The following ST8SIA2 variants were observed in gnomAD, a reference collection of about 807,000 sequenced individuals.
The protein encoded by ST8SIA2 is alpha-2,8-sialyltransferase 8B.
Under a neutral mutation model 37.6 loss-of-function variants are expected in ST8SIA2, and 22 were observed. The observed-to-expected ratio is 0.58, with a 90% CI of 0.42 to 0.83. ST8SIA2 has a LOEUF of 0.83. Among genes scored for constraint, ST8SIA2 ranks in the 40% least tolerant of loss-of-function variants. The probability of loss-of-function intolerance (pLI) is 0.00; values close to 1 mark genes in which losing one functional copy is unlikely to be tolerated. For synonymous variants in ST8SIA2, 205 were observed against 201.2 expected, an observed-to-expected ratio of 1.02 and a Z score of -0.16; for missense variants, 382 against 484.7, an observed-to-expected ratio of 0.79 and a Z score of 1.99.
intron 3 of ST8SIA2, among the ~76,000 whole-genome samples, chr15:92,437,690 T>TC: frequency 6.6e-6 from 1 of 151,196 alleles, no homozygotes; most frequent in Non-Finnish European, 1.5e-5. Flanking sequence ...ACAGTATCCA[T>TC]CCCCCCAGAA....
chr15:92,394,263 G>C, intron 1 of ST8SIA2, 101 bp downstream of exon 1: 1 of 1,047,020 alleles, frequency 9.6e-7, no homozygotes, highest in Admixed American at 2.0e-5. Context: ...GCCGCGCCCC[G>C]CTGTAGCTCC....
intron 5 of ST8SIA2, among the ~76,000 whole-genome samples, chr15:92,461,119 C>T (rs2049954362): frequency 6.6e-6 from 1 of 152,106 alleles, no homozygotes; most frequent in African/African-American, 2.4e-5. Flanking sequence ...GGCCAGTTAT[C>T]TAATAACCCT....
intron 5 of ST8SIA2, among the ~76,000 whole-genome samples, chr15:92,451,405 G>A (rs1360797208): frequency 6.6e-6 from 1 of 152,314 alleles, no homozygotes; most frequent in East Asian, 1.9e-4. Context: ...CAAGCTGAAA[G>A]GTCAGAGCTC....
chr15:92,413,234 T>C (rs2049562680), intron 1 of ST8SIA2, among the ~76,000 whole-genome samples: 1 of 152,146 alleles, frequency 6.6e-6, no homozygotes, highest in South Asian at 2.1e-4. Flanking sequence ...GAAGGGAAGG[T>C]AGAACTCAGC....
intron 5 of ST8SIA2, among the ~76,000 whole-genome samples, chr15:92,459,060 G>A (rs949004761): frequency 6.6e-6 from 1 of 152,286 alleles, no homozygotes; most frequent in South Asian, 2.1e-4. Flanking sequence ...CCCAGCACAC[G>A]CCTGAGTAAC....
intron 2 of ST8SIA2, 135 bp downstream of exon 2, chr15:92,430,246 C>G (rs1432916324): frequency 1.1e-6 from 1 of 906,570 alleles, no homozygotes; most frequent in East Asian, 2.6e-5. Context: ...TTGCATTTCC[C>G]TAATCACTTT....
chr15:92,459,601 GT>G (rs2049943564), intron 5 of ST8SIA2, among the ~76,000 whole-genome samples: 1 of 152,166 alleles, frequency 6.6e-6, no homozygotes, highest in Non-Finnish European at 1.5e-5. Flanking sequence ...ACATGGTGTT[GT>G]TTTGTTTTGT....
At chr15:92,410,444 C>T (rs1244858492) in intron 1 of ST8SIA2, among the ~76,000 whole-genome samples, 1 of 152,170 alleles carries the variant, frequency 6.6e-6, no homozygotes. Flanking sequence ...ACTTGCAGGA[C>T]GGGGAGCAAC....
chr15:92,440,776 T>G (rs1296352724), intron 4 of ST8SIA2, among the ~76,000 whole-genome samples: 2 of 152,214 alleles, frequency 1.3e-5, no homozygotes, highest in Non-Finnish European at 2.9e-5. Context: ...TGCCCTGCAC[T>G]TGGTAATATC....
At chr15:92,433,821 G>T (rs1212420321) in intron 2 of ST8SIA2, among the ~76,000 whole-genome samples, 8 of 152,222 alleles carry the variant, frequency 5.3e-5, no homozygotes, top group African/African-American at 1.9e-4. Context: ...AGGCTACAAT[G>T]ACATTGTCCT....
chr15:92,452,242 G>A (rs917981174), intron 5 of ST8SIA2, among the ~76,000 whole-genome samples: 3 of 152,138 alleles, frequency 2.0e-5, no homozygotes, highest in Non-Finnish European at 2.9e-5. Context: ...TGTTAGAGAC[G>A]CACATTCTCA....
At chr15:92,405,907 A>T (rs1261346420) in intron 1 of ST8SIA2, among the ~76,000 whole-genome samples, 1 of 152,194 alleles carries the variant, frequency 6.6e-6, no homozygotes, top group African/African-American at 2.4e-5. Context: ...CTAAGTTGCA[A>T]GGAGGGCCCA....
At chr15:92,425,710 G>T (rs1240983998) in intron 1 of ST8SIA2, among the ~76,000 whole-genome samples, 1 of 152,140 alleles carries the variant, frequency 6.6e-6, no homozygotes, top group Non-Finnish European at 1.5e-5. Flanking sequence ...GGCCAGAGCG[G>T]GTCTAGGATT....
chr15:92,421,556 C>T (rs1047562901), intron 1 of ST8SIA2, among the ~76,000 whole-genome samples: 3 of 152,170 alleles, frequency 2.0e-5, no homozygotes, highest in African/African-American at 7.2e-5. Context: ...GAAGTAGATA[C>T]TATTACTCTA....
intron 1 of ST8SIA2, among the ~76,000 whole-genome samples, chr15:92,401,231 G>A (rs67607760): frequency 0.033 from 5,010 of 152,296 alleles, 122 homozygotes; most frequent in Non-Finnish European, 0.049. Flanking sequence ...CTCATCTTCC[G>A]GAGAGGCACT....
intron 1 of ST8SIA2, among the ~76,000 whole-genome samples, chr15:92,418,877 G>A (rs1007941533): frequency 6.6e-6 from 1 of 152,172 alleles, no homozygotes; most frequent in Non-Finnish European, 1.5e-5. Flanking sequence ...GTAAAGTGTT[G>A]TGAGGGGATG....
At chr15:92,427,185 G>C (rs1012761306) in intron 1 of ST8SIA2, among the ~76,000 whole-genome samples, 1 of 144,878 alleles carries the variant, frequency 6.9e-6, no homozygotes, top group African/African-American at 2.6e-5. Flanking sequence ...AAAACATCAT[G>C]TTACGCATAG....
At chr15:92,414,393 A>G (rs1175521909) in intron 1 of ST8SIA2, among the ~76,000 whole-genome samples, 2 of 152,072 alleles carry the variant, frequency 1.3e-5, no homozygotes, top group African/African-American at 2.4e-5. Flanking sequence ...GTGAGACTAC[A>G]TTCCAGTTTT....
intron 5 of ST8SIA2, among the ~76,000 whole-genome samples, chr15:92,445,905 T>A (rs1278212440): frequency 6.6e-6 from 1 of 152,194 alleles, no homozygotes; most frequent in African/African-American, 2.4e-5. Flanking sequence ...TGACCTGGCA[T>A]AGATCTCCCT....
Sources: gnomAD v4.1 joint callset for allele counts (sites outside exome capture counted in the v4.1 genomes callset) on GRCh38, gnomAD v4.1.1 for gene constraint, MANE v1.5 for transcripts, NCBI Gene and HGNC (gene_info 2026-07-23, HGNC 2026-07-21) for gene names.